PEPD: variants seen among roughly 807,000 people sequenced by gnomAD.
PEPD encodes xaa-Pro dipeptidase.
In PEPD, 53 loss-of-function variants were observed where a neutral mutation model predicts 60.7. That is an observed-to-expected ratio of 0.87 (90% confidence interval 0.70 to 1.10). The LOEUF (loss-of-function observed/expected upper bound fraction) is 1.10, where lower values mean the gene tolerates loss of function less well. Ranked by LOEUF, PEPD falls within the 50% of genes least tolerant of loss-of-function variation. PEPD has a pLI of 0.00. For synonymous variants in PEPD, 267 were observed against 284.1 expected, an observed-to-expected ratio of 0.94 and a Z score of 0.60; for missense variants, 711 against 711.9, an observed-to-expected ratio of 1.00 and a Z score of 0.01.
intron 9 of PEPD, among the ~76,000 whole-genome samples, chr19:33,433,325 C>T (rs1354970220): frequency 6.6e-6 from 1 of 152,230 alleles, no homozygotes; most frequent in Non-Finnish European, 1.5e-5. Context: ...GCTCTCTTCT[C>T]CCTGCCAAGG....
At chr19:33,414,296 AG>A (rs1269592326) in intron 9 of PEPD, among the ~76,000 whole-genome samples, 2 of 152,212 alleles carry the variant, frequency 1.3e-5, no homozygotes, top group Non-Finnish European at 2.9e-5. Flanking sequence ...CTGAGCGGGT[AG>A]GGCCACAGCC....
chr19:33,438,904 G>A (rs1969430985), intron 9 of PEPD, among the ~76,000 whole-genome samples: 1 of 152,216 alleles, frequency 6.6e-6, no homozygotes, highest in South Asian at 2.1e-4. Context: ...ATTTTTAGTA[G>A]AGATGGGGTT....
chr19:33,487,568 G>A (rs532764232), intron 6 of PEPD, among the ~76,000 whole-genome samples: 55 of 152,316 alleles, frequency 3.6e-4, no homozygotes, highest in Admixed American at 1.3e-3. Context: ...AGGCGTAGGT[G>A]CGGAAACTGA....
At chr19:33,431,992 CAAA>C (rs906879187) in intron 9 of PEPD, among the ~76,000 whole-genome samples, 10 of 77,870 alleles carry the variant, frequency 1.3e-4, no homozygotes, top group South Asian at 5.8e-4. Flanking sequence ...GACACCACCT[CAAA>C]AAAAAAAAAA....
At chr19:33,435,862 G>C (rs764763665) in intron 9 of PEPD, among the ~76,000 whole-genome samples, 3 of 152,242 alleles carry the variant, frequency 2.0e-5, no homozygotes, top group Non-Finnish European at 4.4e-5. Flanking sequence ...GTGCCCTCCA[G>C]GCTCTCAGCA....
chr19:33,447,167 G>A (rs956254232), intron 9 of PEPD, among the ~76,000 whole-genome samples: 4 of 152,232 alleles, frequency 2.6e-5, no homozygotes, highest in Admixed American at 2.6e-4. Context: ...ATGGAGGTCA[G>A]CAATCACCAC....
intron 9 of PEPD, among the ~76,000 whole-genome samples, chr19:33,431,429 CAAGAG>C (rs1458806822): frequency 6.6e-6 from 1 of 152,178 alleles, no homozygotes; most frequent in Non-Finnish European, 1.5e-5. Context: ...GAAATTTCCC[CAAGAG>C]GAGACAGAAA....
At chr19:33,416,943 G>A (rs1203751016) in intron 9 of PEPD, among the ~76,000 whole-genome samples, 1 of 152,220 alleles carries the variant, frequency 6.6e-6, no homozygotes, top group Admixed American at 6.5e-5. Flanking sequence ...ACCCAGATCT[G>A]CAGGAATGGG....
chr19:33,388,324 G>T, intron 13 of PEPD: 1 of 664,854 alleles, frequency 1.5e-6, no homozygotes, highest in Non-Finnish European at 2.8e-6. Context: ...TGCTTGAGAA[G>T]CCCTGTGGCC....
intron 11 of PEPD, among the ~76,000 whole-genome samples, chr19:33,408,835 T>C (rs1295956431): frequency 6.6e-6 from 1 of 152,188 alleles, no homozygotes; most frequent in Non-Finnish European, 1.5e-5. Flanking sequence ...CCGAACGCAG[T>C]AGGCGCTCGG....
At chr19:33,401,087 G>A (rs1184412109) in intron 12 of PEPD, among the ~76,000 whole-genome samples, 1 of 152,176 alleles carries the variant, frequency 6.6e-6, no homozygotes, top group African/African-American at 2.4e-5. Context: ...CTGGGGTTGG[G>A]AGGGCTGAGG....
chr19:33,474,857 G>A (rs540481646), intron 7 of PEPD, among the ~76,000 whole-genome samples: 9 of 151,794 alleles, frequency 5.9e-5, no homozygotes, highest in Non-Finnish European at 1.2e-4. Context: ...GCGTGTACCT[G>A]GAGTCACAGC....
At chr19:33,511,199 G>A (rs747201886) in intron 2 of PEPD, 44 bp from the exon 3 acceptor site, 8 of 1,610,958 alleles carry the variant, frequency 5.0e-6, no homozygotes, top group Non-Finnish European at 6.8e-6. Context: ...GGAACATGAG[G>A]TGCAAGGAGG....
At chr19:33,407,544 T>G (rs1968659295) in intron 11 of PEPD, among the ~76,000 whole-genome samples, 1 of 152,182 alleles carries the variant, frequency 6.6e-6, no homozygotes, top group African/African-American at 2.4e-5. Context: ...GCCTCCCACT[T>G]AGGAATGGCC....
Position 33,387,250 on chromosome 19 carries a change from T to G in PEPD, c.*94A>C. Reference sequence around the variant, plus strand: ...AGCTGGGATCTGATTCTGGGTGCCGTCTCTCGCTACTGGAGTGCTGACCAG... The same window carrying G: ...AGCTGGGATCTGATTCTGGGTGCCGGCTCTCGCTACTGGAGTGCTGACCAG... On this transcript the variant is annotated 3_prime_UTR_variant, in exon 15 of 15. Coordinates refer to ENST00000244137, the MANE Select transcript of PEPD (RefSeq NM_000285.4). 9 of 1,453,844 alleles carry G rather than the reference T, an allele frequency of 6.2e-6. No individual in the cohort carries two copies. Among genetic ancestry groups the G allele is most frequent in the Non-Finnish European group, 8.6e-6 (9 of 1,047,032 alleles). 90.1% of individuals were successfully genotyped at this position (1,453,844 alleles called of 1,614,324 possible).
chr19:33,406,106 A>G (rs78464982), intron 11 of PEPD, among the ~76,000 whole-genome samples: 2,578 of 152,350 alleles, frequency 0.017, 35 homozygotes, highest in Non-Finnish European at 0.027. Context: ...CCAGGAAAGC[A>G]CAGTGGGGTG....
In PEPD at chr19:33,454,576, T is replaced by G. The variant is rs1005570762; in HGVS notation, c.671+8419A>C. On this transcript the variant is annotated intron_variant, in intron 9 of 14. Coordinates refer to ENST00000244137, the MANE Select transcript of PEPD (RefSeq NM_000285.4). ...GAGATTGTACCACTGCACTCCAGCC[T>G]CGGTGATGGAGCGAGACTCTGTCTC... Among the ~76,000 whole-genome samples the G allele has an allele frequency of 2.7e-5, 4 of 150,112 alleles. No homozygotes were observed. In the East Asian group the frequency reaches 7.8e-4, roughly 29 times the overall value.
intron 12 of PEPD, among the ~76,000 whole-genome samples, chr19:33,401,392 C>A (rs980559061): frequency 6.6e-6 from 1 of 152,234 alleles, no homozygotes; most frequent in African/African-American, 2.4e-5. Flanking sequence ...GTTGAGCCCT[C>A]CCTGGAGTAG....
chr19:33,409,549 C>T (rs1307995099), intron 11 of PEPD, among the ~76,000 whole-genome samples: 1 of 152,178 alleles, frequency 6.6e-6, no homozygotes, highest in African/African-American at 2.4e-5. Flanking sequence ...GTGGCTTGTA[C>T]CTGTAGTCTC....
Sources: gnomAD v4.1 joint callset for allele counts (sites outside exome capture counted in the v4.1 genomes callset) on GRCh38, gnomAD v4.1.1 for gene constraint, MANE v1.5 for transcripts, NCBI Gene and HGNC (gene_info 2026-07-23, HGNC 2026-07-21) for gene names.